CRK: variants seen among roughly 807,000 people sequenced by gnomAD.
CRK encodes the protein CRK proto-oncogene, adaptor protein.
In CRK, 4 loss-of-function variants were observed where a neutral mutation model predicts 29.8. The observed-to-expected ratio is 0.13, with a 90% CI of 0.07 to 0.31. CRK has a LOEUF of 0.31. Among genes scored for constraint, CRK ranks in the 10% least tolerant of loss-of-function variants. CRK has a pLI of 1.00. For missense variants in CRK, 274 were observed against 396.5 expected (o/e 0.69, Z 2.62); for synonymous variants, 153 against 164.9 (o/e 0.93, Z 0.55).
rs752609926 is a variant in CRK, at chr17:1,455,904, G to A, written c.214C>T (p.Pro72Ser). The change falls in exon 1 of 3, where the codon CCA becomes TCA. Residue 72 changes from proline (P) to serine (S), a missense_variant. Pro to Ser is a moderately conservative substitution (Grantham distance 74). This residue lies in a region of CRK where 135 missense variants were observed against 180.9 expected (regional missense o/e 0.75). Coordinates refer to ENST00000300574, the MANE Select transcript of CRK (RefSeq NM_016823.4). ...INSSGPRPPV[P>S]PSPAQPPPGV... ...GGCGGAGGCTGGGCGGGCGACGGTGGCACCGGCGGGCGCGGGCCGCTGCTG... is the reference window on the plus strand; with the variant it reads ...GGCGGAGGCTGGGCGGGCGACGGTGACACCGGCGGGCGCGGGCCGCTGCTG... 2 of 1,578,576 alleles carry A rather than the reference G, an allele frequency of 1.3e-6. No individual in the cohort carries two copies. The highest frequency in any genetic ancestry group is 2.3e-5 in the South Asian group (2 of 88,156).
Position 1,454,211 on chromosome 17 carries a change from ATAAG to A in CRK, c.241+1662_241+1665del, listed in dbSNP as rs371343404. Among the ~76,000 whole-genome samples, 1,017 of 152,164 alleles carry A rather than the reference ATAAG, an allele frequency of 6.7e-3. 12 individuals carry two copies. The highest frequency in any genetic ancestry group is 0.017 in the African/African-American group (706 of 41,510). On this transcript the variant is annotated intron_variant, in intron 1 of 2. Transcript: ENST00000300574. ...AGAGACTCCGTCTCAAAATAAATAA[ATAAG>A]TAAGAAATAAATAAGAAAAATTTTA...
At position 1,439,416 on chromosome 17, in the gene CRK, A is replaced by T. The variant is rs1396592561; in HGVS notation, c.242-2261T>A. 2.6e-5 allele frequency among the ~76,000 whole-genome samples: 4 copies of T among 152,262 alleles called. No individual in the cohort carries two copies. The South Asian group carries it at 8.3e-4, about 32-fold the overall frequency. ...GCACCCGGCCACAAAGTTTCTAATT[A>T]GGAATGCAAACCTTTAACTCCCACT... On this transcript the variant is annotated intron_variant, in intron 1 of 2. Transcript: ENST00000300574.
intron 1 of CRK, among the ~76,000 whole-genome samples, chr17:1,452,588 G>A (rs568346075): frequency 5.3e-5 from 8 of 152,210 alleles, no homozygotes; most frequent in African/African-American, 1.4e-4. Context: ...AGCAGTTCGA[G>A]ACCAGCCTGG....
At chr17:1,447,409 C>A (rs2150911878) in intron 1 of CRK, among the ~76,000 whole-genome samples, 1 of 152,210 alleles carries the variant, frequency 6.6e-6, no homozygotes, top group African/African-American at 2.4e-5. Flanking sequence ...CTTCTCGGTA[C>A]CTGCTCAGCC....
At chr17:1,440,637 G>A (rs2150907802) in intron 1 of CRK, among the ~76,000 whole-genome samples, 1 of 151,996 alleles carries the variant, frequency 6.6e-6, no homozygotes, top group East Asian at 1.9e-4. Context: ...AAACAAGCCG[G>A]GCACGTGGCT....
intron 1 of CRK, among the ~76,000 whole-genome samples, chr17:1,453,645 G>A (rs979453522): frequency 6.6e-6 from 1 of 152,138 alleles, no homozygotes; most frequent in Non-Finnish European, 1.5e-5. Context: ...GGTGGCTCAC[G>A]CCTGTAATCC....
At chr17:1,452,065 C>A (rs1385660529) in intron 1 of CRK, among the ~76,000 whole-genome samples, 1 of 152,100 alleles carries the variant, frequency 6.6e-6, no homozygotes, top group Non-Finnish European at 1.5e-5. Flanking sequence ...AGGATACGGA[C>A]CTCTATGTGC....
intron 1 of CRK, among the ~76,000 whole-genome samples, chr17:1,445,537 CG>C (rs2073968898): frequency 6.6e-6 from 1 of 152,160 alleles, no homozygotes; most frequent in Non-Finnish European, 1.5e-5. Context: ...TAGCAGAGCA[CG>C]GAGGTGCTAT....
At chr17:1,430,924 C>G (rs1005626711) in intron 2 of CRK, among the ~76,000 whole-genome samples, 1 of 151,392 alleles carries the variant, frequency 6.6e-6, no homozygotes, top group Non-Finnish European at 1.5e-5. Context: ...AAAAATTAAC[C>G]GGGCGTGGTA....
intron 2 of CRK, among the ~76,000 whole-genome samples, chr17:1,430,277 C>T (rs1382702815): frequency 6.6e-6 from 1 of 151,668 alleles, no homozygotes; most frequent in East Asian, 1.9e-4. Context: ...TTCCTGACCT[C>T]AGGTGAAGAG....
chr17:1,446,753 G>A (rs1182630051), intron 1 of CRK, among the ~76,000 whole-genome samples: 1 of 151,884 alleles, frequency 6.6e-6, no homozygotes, highest in Non-Finnish European at 1.5e-5. Flanking sequence ...CACCACGCCC[G>A]GGTTTTTTTT....
intron 1 of CRK, among the ~76,000 whole-genome samples, chr17:1,446,045 G>A (rs996239773): frequency 7.9e-5 from 12 of 152,158 alleles, no homozygotes; most frequent in Admixed American, 7.9e-4. Context: ...TGACAGGCAT[G>A]AGCCACCGCG....
At chr17:1,427,359 T>C (rs2073791165) in intron 2 of CRK, among the ~76,000 whole-genome samples, 1 of 151,060 alleles carries the variant, frequency 6.6e-6, no homozygotes, top group African/African-American at 2.4e-5. Context: ...TTTGGGAGGC[T>C]GAGGGCGGCA....
intron 1 of CRK, among the ~76,000 whole-genome samples, chr17:1,451,561 T>C (rs866307232): frequency 6.6e-6 from 1 of 151,952 alleles, no homozygotes; most frequent in Admixed American, 6.6e-5. Flanking sequence ...TTCTGGTCTT[T>C]AAAAAACCTG....
At chr17:1,450,070 C>CGG (rs1729661437) in intron 1 of CRK, among the ~76,000 whole-genome samples, 1 of 151,984 alleles carries the variant, frequency 6.6e-6, no homozygotes, top group Non-Finnish European at 1.5e-5. Flanking sequence ...GGAGTGGTGG[C>CGG]GCATGCCTGT....
intron 1 of CRK, among the ~76,000 whole-genome samples, chr17:1,444,605 G>GGGGA (rs1555654432): frequency 2.1e-5 from 3 of 140,668 alleles, no homozygotes; most frequent in Non-Finnish European, 4.6e-5. Flanking sequence ...CGGGGGGGGG[G>GGGGA]ATCACCTGAG....
rs1349250533 is a variant in CRK, at chr17:1,433,180, A to AC, written c.777+3439dup. ...CAGAGATAATGAGAACAAAATCAGA[A>AC]CCCAAATGGTATCAATGTTTGGAAT... On this transcript the variant is annotated intron_variant, in intron 2 of 2. Transcript: ENST00000300574. Among the ~76,000 whole-genome samples, 3 of 152,312 alleles carry AC rather than the reference A, an allele frequency of 2.0e-5. No individual in the cohort carries two copies. The East Asian group carries it at 5.8e-4, about 29-fold the overall frequency.
chr17:1,441,949 G>A (rs911419550), intron 1 of CRK, among the ~76,000 whole-genome samples: 7 of 151,234 alleles, frequency 4.6e-5, no homozygotes, highest in Admixed American at 6.6e-5. Context: ...TCCACTTCCT[G>A]GGCTCAAGCC....
At chr17:1,442,196 C>T (rs905719262) in intron 1 of CRK, among the ~76,000 whole-genome samples, 4 of 151,496 alleles carry the variant, frequency 2.6e-5, no homozygotes, top group Admixed American at 6.6e-5. Context: ...GTTCTGTCAC[C>T]CAGGCAGGGG....
Sources: gnomAD v4.1 joint callset for allele counts (sites outside exome capture counted in the v4.1 genomes callset) on GRCh38, gnomAD v4.1.1 for gene constraint, gnomAD v4.1.1 regional missense constraint, MANE v1.5 for transcripts, NCBI Gene and HGNC (gene_info 2026-07-23, HGNC 2026-07-21) for gene names.